Variants in LCTL observed in about 807,000 individuals in gnomAD.
LCTL encodes lactase like, also known as lactase-like protein.
LCTL carries 76 observed loss-of-function variants against 75.8 expected under a neutral mutation model. The observed-to-expected ratio is 1.00, with a 90% CI of 0.83 to 1.21. The LOEUF is 1.21. Among genes scored for constraint, LCTL ranks in the 50% most tolerant of loss-of-function variants. The pLI is 0.00. For missense variants in LCTL, 670 were observed against 712.4 expected (o/e 0.94, Z 0.68); for synonymous variants, 271 against 268.8 (o/e 1.01, Z -0.08).
At chr15:66,552,103 G>C (rs765317777) in exon 10 of LCTL, 2 of 1,612,712 alleles carry the variant, frequency 1.2e-6, no homozygotes, top group African/African-American at 2.7e-5. Flanking sequence ...TCACATAATT[G>C]AGTACAGTGG....
At chr15:66,552,626 T>C (rs1195852065) in intron 9 of LCTL, among the ~76,000 whole-genome samples, 2 of 139,786 alleles carry the variant, frequency 1.4e-5, no homozygotes, top group Non-Finnish European at 3.0e-5. Flanking sequence ...GCCGAGATCA[T>C]GCCACTGCAC....
At chr15:66,563,028 C>T (rs941697485) in intron 4 of LCTL, among the ~76,000 whole-genome samples, 1 of 152,190 alleles carries the variant, frequency 6.6e-6, no homozygotes, top group African/African-American at 2.4e-5. Flanking sequence ...TACATGAGTG[C>T]TTTGGTTTGA....
intron 6 of LCTL, 73 bp downstream of exon 7, chr15:66,560,933 G>T: frequency 7.2e-7 from 1 of 1,397,844 alleles, no homozygotes. Flanking sequence ...AGAGGACCAA[G>T]CTCAGGCTAG....
At position 66,552,969 on chromosome 15, in the gene LCTL, G is replaced by A. The variant is rs1392275914; in HGVS notation, c.1197+15C>T. On this transcript the variant is annotated intron_variant, in intron 9 of 12. Transcript: ENST00000341509. ...AAGTCTAAATGTCCTTTGAATAGCT[G>A]AATGTGATAATCACCTGAGCAAAGT... 2.1e-6 allele frequency: 3 copies of A among 1,435,086 alleles called. No individual in the cohort carries two copies. Among genetic ancestry groups the A allele is most frequent in the African/African-American group, 2.9e-5 (2 of 68,658 alleles). 88.9% of individuals were successfully genotyped at this position (1,435,086 alleles called of 1,614,324 possible). A position where few individuals can be genotyped will look rare whatever the true frequency, so the allele number is the denominator to read the frequency against.
chr15:66,562,695 C>G (rs1484206740), intron 4 of LCTL, among the ~76,000 whole-genome samples: 1 of 151,820 alleles, frequency 6.6e-6, no homozygotes, highest in Non-Finnish European at 1.5e-5. Context: ...AGCGATTGTC[C>G]TGCCTAGCCT....
chr15:66,552,042 C>T lies in LCTL; in HGVS notation c.1324+1G>A. ...GCAGACAATCTTGGTTTGTGTCTCA[C>T]CTTTTAGCATTTCATTTATGTATCC... On this transcript the variant is annotated splice_donor_variant, in intron 10 of 12. Transcript: ENST00000341509. LOFTEE classifies it high-confidence loss of function. 6.2e-7 allele frequency: 1 copy of T among 1,609,654 alleles called. No homozygotes were observed. The highest frequency in any genetic ancestry group is 8.5e-7 in the Non-Finnish European group (1 of 1,178,776).
chr15:66,559,577 G>A lies in LCTL; in HGVS notation c.705+1429C>T, dbSNP rs148763015. Among the ~76,000 whole-genome samples, 47 of 152,104 alleles carry A rather than the reference G, an allele frequency of 3.1e-4. 1 individual carries two copies. Among genetic ancestry groups the A allele is most frequent in the Middle Eastern group, 6.8e-3 (2 of 292 alleles). On this transcript the variant is annotated intron_variant, in intron 6 of 12. Coordinates refer to ENST00000341509, the Ensembl canonical transcript of LCTL. ...AAAAAAATTAGCCGGGTGTGGTGGCGTATGCCTGTAATCCCAGCTACTCAG... is the reference window on the plus strand; with the variant it reads ...AAAAAAATTAGCCGGGTGTGGTGGCATATGCCTGTAATCCCAGCTACTCAG...
intron 6 of LCTL, among the ~76,000 whole-genome samples, chr15:66,560,516 C>T (rs973938254): frequency 6.6e-6 from 1 of 152,168 alleles, no homozygotes; most frequent in Admixed American, 6.6e-5. Flanking sequence ...CTCCACATAC[C>T]TCTGAGCTGG....
At chr15:66,559,155 A>G (rs552811577) in intron 6 of LCTL, among the ~76,000 whole-genome samples, 37 of 152,032 alleles carry the variant, frequency 2.4e-4, no homozygotes, top group Non-Finnish European at 4.4e-4. Flanking sequence ...AATAGCTGGG[A>G]CAACAGGCAT....
chr15:66,550,727 C>T (rs1308003617), intron 11 of LCTL, among the ~76,000 whole-genome samples: 1 of 152,126 alleles, frequency 6.6e-6, no homozygotes, highest in Non-Finnish European at 1.5e-5. Flanking sequence ...AGTCCTCCCA[C>T]TCCAGCCTCC....
At chr15:66,560,301 C>G (rs948461302) in intron 6 of LCTL, among the ~76,000 whole-genome samples, 1 of 152,160 alleles carries the variant, frequency 6.6e-6, no homozygotes, top group African/African-American at 2.4e-5. Flanking sequence ...TATCCCTGTT[C>G]TCCAGTTACC....
intron 8 of LCTL, among the ~76,000 whole-genome samples, chr15:66,555,448 G>C (rs1184093151): frequency 1.3e-5 from 2 of 152,032 alleles, no homozygotes; most frequent in Non-Finnish European, 2.9e-5. Flanking sequence ...GGCTGAGGCA[G>C]GAGAATCACT....
intron 8 of LCTL, among the ~76,000 whole-genome samples, chr15:66,556,419 C>G (rs537040540): frequency 2.0e-5 from 3 of 152,184 alleles, no homozygotes; most frequent in Non-Finnish European, 4.4e-5. Flanking sequence ...ATTCTCCTGC[C>G]TCAGCCTCCC....
In LCTL at chr15:66,547,587, A is replaced by T. The variant is rs1277564377; in HGVS notation, c.*903T>A. On this transcript the variant is annotated 3_prime_UTR_variant, in exon 13 of 13. Coordinates refer to ENST00000341509, the Ensembl canonical transcript of LCTL. ...AAGACGATATTGAGTTACCTAGAAGATAAATAAAAAATAAACATGTAATAT... is the reference window on the plus strand; with the variant it reads ...AAGACGATATTGAGTTACCTAGAAGTTAAATAAAAAATAAACATGTAATAT... 4 of 152,198 alleles carry T rather than the reference A, an allele frequency of 2.6e-5. No homozygotes were observed. The South Asian group carries it at 8.3e-4, about 32-fold the overall frequency. 9.4% of individuals were successfully genotyped at this position (152,198 alleles called of 1,614,324 possible). A position where few individuals can be genotyped will look rare whatever the true frequency, so the allele number is the denominator to read the frequency against.
At chr15:66,560,086 C>CA (rs113683407) in intron 6 of LCTL, among the ~76,000 whole-genome samples, 3,542 of 140,686 alleles carry the variant, frequency 0.025, 59 homozygotes, top group Non-Finnish European at 0.032. Context: ...GACTCAGTCT[C>CA]AAAAAAAAAA....
At chr15:66,551,569 A>T in intron 11 of LCTL, 93 bp downstream of exon 12, 1 of 990,946 alleles carries the variant, frequency 1.0e-6, no homozygotes, top group Non-Finnish European at 1.5e-6. Flanking sequence ...TTCATGGAGG[A>T]AAGAGAAGAG....
intron 4 of LCTL, 131 bp downstream of exon 5, chr15:66,563,385 G>A (rs752549967): frequency 3.3e-5 from 19 of 568,688 alleles, no homozygotes; most frequent in South Asian, 2.3e-4. Context: ...TCACTCACTC[G>A]CATCTTATAG....
exon 6 of LCTL, chr15:66,561,049 A>T: frequency 6.2e-7 from 1 of 1,614,100 alleles, no homozygotes. Context: ...GGTGCCGCGG[A>T]GCTTCAGGCC....
intron 12 of LCTL, 170 bp downstream of exon 13, chr15:66,549,861 TAAATGCTTTA>T (rs1895533025): frequency 2.2e-6 from 1 of 462,824 alleles, no homozygotes; most frequent in African/African-American, 2.0e-5. Flanking sequence ...CATGGTAGAT[TAAATGCTTTA>T]AAATGCTTAT....
Sources: allele counts gnomAD v4.1 joint callset (sites outside exome capture counted in the v4.1 genomes callset), GRCh38; gene constraint gnomAD v4.1.1; transcripts MANE v1.5; gene names NCBI Gene and HGNC (gene_info 2026-07-23, HGNC 2026-07-21).